SCRN1: variants seen among roughly 807,000 people sequenced by gnomAD.
SCRN1 encodes secernin-1.
A neutral mutation model predicts 43.3 loss-of-function variants in SCRN1; 19 were observed. The observed-to-expected ratio is 0.44, with a 90% CI of 0.31 to 0.64. The LOEUF (loss-of-function observed/expected upper bound fraction) is 0.64, where lower values mean the gene tolerates loss of function less well. Among genes scored for constraint, SCRN1 ranks in the 30% least tolerant of loss-of-function variants. The probability of loss-of-function intolerance (pLI) is 0.09; values close to 1 mark genes in which losing one functional copy is unlikely to be tolerated. For synonymous variants in SCRN1, 183 were observed against 188.9 expected, an observed-to-expected ratio of 0.97 and a Z score of 0.26; for missense variants, 447 against 524.1, an observed-to-expected ratio of 0.85 and a Z score of 1.44.
rs535134743 is a variant in SCRN1, at chr7:29,927,435, C to G, written c.906-803G>C. 3.4e-3 allele frequency among the ~76,000 whole-genome samples: 504 copies of G among 147,882 alleles called. 2 individuals carry two copies. The highest frequency in any genetic ancestry group is 0.012 in the African/African-American group (488 of 39,944). On this transcript the variant is annotated intron_variant, in intron 6 of 7. Transcript: ENST00000242059. Reference sequence around the variant, plus strand: ...TGGCCTGGGATCCCAGGCCAACGGGCTAAGGGACCACTATGGCCAACTGTA... The same window carrying G: ...TGGCCTGGGATCCCAGGCCAACGGGGTAAGGGACCACTATGGCCAACTGTA...
In SCRN1 at chr7:29,986,171, G is replaced by C. The variant is rs543117811; in HGVS notation, c.-2+3471C>G. On this transcript the variant is annotated intron_variant, in intron 1 of 7. Coordinates refer to ENST00000242059, the MANE Select transcript of SCRN1 (RefSeq NM_014766.5). ...GAATCGCTTGAACCCTGGAGGCAGA[G>C]GTTGCAGTGAGCCGAGATCGTGCCA... Among the ~76,000 whole-genome samples, 9 of 152,336 alleles carry C rather than the reference G, an allele frequency of 5.9e-5. No individual in the cohort carries two copies. In the East Asian group the frequency reaches 1.7e-3, roughly 29 times the overall value.
Position 29,950,242 on chromosome 7 carries a change from C to G in SCRN1, c.341+4937G>C, listed in dbSNP as rs370028462. 1.3e-5 allele frequency among the ~76,000 whole-genome samples: 2 copies of G among 152,334 alleles called. No individual in the cohort carries two copies. Among genetic ancestry groups the G allele is most frequent in the Admixed American group, 6.5e-5 (1 of 15,308 alleles). ...AGTGCAGAGCAAAGTTGTGGCTGAG[C>G]CCAGGTGCTATTGCAACCTGGCTGG... On this transcript the variant is annotated intron_variant, in intron 3 of 7. Coordinates refer to ENST00000242059, the MANE Select transcript of SCRN1 (RefSeq NM_014766.5). This position sits in a 1 kb window ranked among gnomAD's most constrained non-coding sequence, Gnocchi z 4.5.
chr7:29,987,354 C>CAATA (rs1168989151), intron 1 of SCRN1, among the ~76,000 whole-genome samples: 2 of 152,170 alleles, frequency 1.3e-5, no homozygotes, highest in Non-Finnish European at 2.9e-5. Context: ...GTTATGTTTA[C>CAATA]AATAGGCTTG....
intron 2 of SCRN1, among the ~76,000 whole-genome samples, chr7:29,957,059 G>A (rs1788160531): frequency 1.3e-5 from 2 of 152,144 alleles, no homozygotes. Context: ...AATAGGAAAA[G>A]AATCTCAGCT....
At chr7:29,962,176 A>G (rs1410693219) in intron 2 of SCRN1, among the ~76,000 whole-genome samples, 1 of 148,620 alleles carries the variant, frequency 6.7e-6, no homozygotes, top group Non-Finnish European at 1.5e-5. Flanking sequence ...ATTATTAAAT[A>G]ATATAATTAT....
At chr7:29,990,237 C>T, upstream of SCRN1, 1 of 1,551,600 alleles carries the variant, frequency 6.4e-7, no homozygotes, top group Non-Finnish European at 8.7e-7. Context: ...CCGTCCTGTA[C>T]CATGTTGGTA....
intron 1 of SCRN1, among the ~76,000 whole-genome samples, chr7:29,976,010 G>A (rs1406302450): frequency 6.6e-6 from 1 of 152,238 alleles, no homozygotes; most frequent in Admixed American, 6.5e-5. Flanking sequence ...AGTTGTAAAT[G>A]TAAAGGTATC....
Position 29,974,925 on chromosome 7 carries a change from G to A in SCRN1, c.-1-5857C>T, listed in dbSNP as rs184231519. ...TTTCAAACTCCTGACATCGTGATCC[G>A]TCTGCCTTGGCCTCCCAAAGTGCTG... On this transcript the variant is annotated intron_variant, in intron 1 of 7. Coordinates refer to ENST00000242059, the MANE Select transcript of SCRN1 (RefSeq NM_014766.5). Among the ~76,000 whole-genome samples the A allele has an allele frequency of 3.9e-3, 590 of 152,054 alleles. 2 individuals carry two copies. The highest frequency in any genetic ancestry group is 0.034 in the Middle Eastern group (10 of 294).
At chr7:29,975,103 A>G (rs959630701) in intron 1 of SCRN1, among the ~76,000 whole-genome samples, 2 of 146,056 alleles carry the variant, frequency 1.4e-5, no homozygotes, top group Admixed American at 6.8e-5. Flanking sequence ...CTCCTTCACA[A>G]AGAAAAAGAA....
At chr7:29,975,618 T>C (rs1326459321) in intron 1 of SCRN1, among the ~76,000 whole-genome samples, 1 of 152,248 alleles carries the variant, frequency 6.6e-6, no homozygotes, top group Non-Finnish European at 1.5e-5. Context: ...TCCATACACA[T>C]GCACATATAA....
chr7:29,925,737 G>A (rs188219960), intron 7 of SCRN1, among the ~76,000 whole-genome samples: 36 of 151,868 alleles, frequency 2.4e-4, no homozygotes, highest in African/African-American at 5.3e-4. Context: ...GTCTGGGCGC[G>A]GTGGCTCCTG....
intron 7 of SCRN1, among the ~76,000 whole-genome samples, chr7:29,925,286 G>A (rs1308342054): frequency 3.3e-5 from 5 of 152,234 alleles, no homozygotes; most frequent in Admixed American, 1.3e-4. Context: ...AGAAAAGTGA[G>A]ACAGCCCTTC....
upstream of SCRN1, chr7:29,990,245 G>C: frequency 6.4e-7 from 1 of 1,551,644 alleles, no homozygotes; most frequent in Non-Finnish European, 8.7e-7. Flanking sequence ...TACCATGTTG[G>C]TAAGCCAGAC....
chr7:29,988,748 A>G (rs1258388521), intron 1 of SCRN1: 1 of 152,354 alleles, frequency 6.6e-6, no homozygotes, highest in African/African-American at 2.4e-5. Flanking sequence ...CAGAAAAGCC[A>G]CGTTATTTAA....
At position 29,923,725 on chromosome 7, in the gene SCRN1, C is replaced by A; in HGVS notation, c.*232G>T. 2.2e-6 allele frequency: 1 copy of A among 447,002 alleles called. No homozygotes were observed. The highest frequency in any genetic ancestry group is 4.0e-6 in the Non-Finnish European group (1 of 251,722). The allele number at this position is 447,002 out of a possible 1,614,324, so 27.7% of individuals were successfully genotyped here. A position where few individuals can be genotyped will look rare whatever the true frequency, so the allele number is the denominator to read the frequency against. ...TAAAATCCACAATTAGTCACACAAC[C>A]GAACAACAGGCAACGGGATACATGT... On this transcript the variant is annotated 3_prime_UTR_variant, in exon 8 of 8. Coordinates refer to ENST00000242059, the MANE Select transcript of SCRN1 (RefSeq NM_014766.5).
rs146885697 is a variant in SCRN1, at chr7:29,948,143, C to T, written c.342-3964G>A. 1.1e-4 allele frequency among the ~76,000 whole-genome samples: 17 copies of T among 152,040 alleles called. No individual in the cohort carries two copies. The East Asian group carries it at 2.3e-3, about 21-fold the overall frequency. On this transcript the variant is annotated intron_variant, in intron 3 of 7. Coordinates refer to ENST00000242059, the MANE Select transcript of SCRN1 (RefSeq NM_014766.5). The stretch of plus-strand genomic sequence containing the variant: ...GACTTATCTCCATCTCTCAGTGTCC[C>T]GAAATTCCTGCGTCATTGACAGGTG...
At chr7:29,937,833 CG>C (rs1240065039) in intron 5 of SCRN1, among the ~76,000 whole-genome samples, 1 of 152,194 alleles carries the variant, frequency 6.6e-6, no homozygotes, top group African/African-American at 2.4e-5. Context: ...AAGCATCACA[CG>C]GAGAGGTTTG....
Position 29,950,993 on chromosome 7 carries a change from G to A in SCRN1, c.341+4186C>T, listed in dbSNP as rs1787900944. Among the ~76,000 whole-genome samples, 1 of 152,236 alleles carries A rather than the reference G, an allele frequency of 6.6e-6. No individual in the cohort carries two copies. Among genetic ancestry groups the A allele is most frequent in the African/African-American group, 2.4e-5 (1 of 41,464 alleles). On this transcript the variant is annotated intron_variant, in intron 3 of 7. Coordinates refer to ENST00000242059, the MANE Select transcript of SCRN1 (RefSeq NM_014766.5). This position sits in a 1 kb window ranked among gnomAD's most constrained non-coding sequence, Gnocchi z 4.5. ...CTGAAAGAGCTATAACACAAACAGT[G>A]CTGAAGCACACCCCCAGCCCCCACC... is the stretch of plus-strand genomic sequence containing the variant.
At position 29,989,711 on chromosome 7, in the gene SCRN1, G is replaced by T; in HGVS notation, c.-71C>A. 2 of 985,990 alleles carry T rather than the reference G, an allele frequency of 2.0e-6. No homozygotes were observed. The highest frequency in any genetic ancestry group is 2.4e-6 in the Non-Finnish European group (2 of 830,440). The allele number at this position is 985,990 out of a possible 1,614,324, so 61.1% of individuals were successfully genotyped here. A position where few individuals can be genotyped will look rare whatever the true frequency, so the allele number is the denominator to read the frequency against. On this transcript the variant is annotated 5_prime_UTR_variant, in exon 1 of 8. Coordinates refer to ENST00000242059, the MANE Select transcript of SCRN1 (RefSeq NM_014766.5). The stretch of plus-strand genomic sequence containing the variant: ...GAGGCTGCGGCCGCCGAGGGTGCGG[G>T]TGCTGCCGGGTCCGGATTACTGCGG...
Sources: allele counts gnomAD v4.1 joint callset (sites outside exome capture counted in the v4.1 genomes callset), GRCh38; gene constraint gnomAD v4.1.1; non-coding constraint Gnocchi (gnomAD v3.1); transcripts MANE v1.5; gene names NCBI Gene and HGNC (gene_info 2026-07-23, HGNC 2026-07-21).